USP45: variants seen among roughly 807,000 people sequenced by gnomAD.
The protein encoded by USP45 is ubiquitin carboxyl-terminal hydrolase 45.
A neutral mutation model predicts 95.8 loss-of-function variants in USP45; 89 were observed. The observed-to-expected ratio is 0.93, with a 90% CI of 0.78 to 1.11. The LOEUF is 1.11. Ranked by LOEUF, USP45 falls within the 50% of genes least tolerant of loss-of-function variation. USP45 has a pLI of 0.00. For synonymous variants in USP45, 281 were observed against 316.2 expected (o/e 0.89, Z 1.18); for missense variants, 898 against 942.5 (o/e 0.95, Z 0.62).
intron 1 of USP45, among the ~76,000 whole-genome samples, chr6:99,510,576 A>C (rs1158378912): frequency 6.6e-6 from 1 of 152,160 alleles, no homozygotes; most frequent in Non-Finnish European, 1.5e-5. Flanking sequence ...CATGAATGAG[A>C]CTGGCCTCTT....
At position 99,481,593 on chromosome 6, in the gene USP45, G is replaced by A. The variant is rs184727110; in HGVS notation, c.845+1160C>T. ...GGTATATTGTGTGATGCAAAGGTCCGGAGTACGAATGATCCCGTCACTCAG... is the reference window on the plus strand; with the variant it reads ...GGTATATTGTGTGATGCAAAGGTCCAGAGTACGAATGATCCCGTCACTCAG... On this transcript the variant is annotated intron_variant, in intron 8 of 17. Transcript: ENST00000500704. Among the ~76,000 whole-genome samples, 375 of 152,170 alleles carry A rather than the reference G, an allele frequency of 2.5e-3. 2 individuals carry two copies. Among genetic ancestry groups the A allele is most frequent in the Non-Finnish European group, 3.3e-3 (223 of 68,010 alleles).
At chr6:99,468,034 G>A in intron 10 of USP45, 1 of 405,930 alleles carries the variant, frequency 2.5e-6, no homozygotes, top group Non-Finnish European at 4.9e-6. Flanking sequence ...ATCATTTGGG[G>A]CTCATATTTT....
chr6:99,493,053 G>A (rs1045389401), intron 5 of USP45, among the ~76,000 whole-genome samples: 1 of 151,850 alleles, frequency 6.6e-6, no homozygotes, highest in Non-Finnish European at 1.5e-5. Context: ...CTTTGAGACG[G>A]AGTCTCATTC....
chr6:99,493,185 C>T (rs374229324), intron 5 of USP45, among the ~76,000 whole-genome samples: 1 of 151,764 alleles, frequency 6.6e-6, no homozygotes, highest in African/African-American at 2.4e-5. Flanking sequence ...TGCCACCACA[C>T]CTGGCTAATT....
Position 99,503,820 on chromosome 6 carries a change from CT to C in USP45, c.422del (p.Lys141ArgfsTer6). On this transcript the variant is annotated frameshift_variant, in exon 5 of 18. Transcript: ENST00000500704. LOFTEE classifies it high-confidence loss of function. ...GAAAATCAACTATCTGAGCCAAAAC[CT>C]TCTTATTACAATGCGTTGATAATTT... The part of the protein sequence containing the change: ...DEKLSTHCNK[K>X]VLAQIVDFLQ... 6.3e-7 allele frequency: 1 copy of C among 1,599,916 alleles called. No homozygotes were observed. Among genetic ancestry groups the C allele is most frequent in the Middle Eastern group, 1.7e-4 (1 of 5,964 alleles).
intron 8 of USP45, among the ~76,000 whole-genome samples, chr6:99,478,178 T>G: frequency 6.6e-6 from 1 of 150,878 alleles, no homozygotes; most frequent in East Asian, 2.0e-4. Flanking sequence ...AACTATTTAC[T>G]GCCTTCTAAA....
Position 99,435,614 on chromosome 6 carries a change from T to A in USP45, c.*102A>T. The A allele has an allele frequency of 9.9e-7, 1 of 1,011,268 alleles. No individual in the cohort carries two copies. Among genetic ancestry groups the A allele is most frequent in the East Asian group, 2.7e-5 (1 of 36,944 alleles). The allele number at this position is 1,011,268 out of a possible 1,614,324, so 62.6% of individuals were successfully genotyped here. On this transcript the variant is annotated 3_prime_UTR_variant, in exon 18 of 18. Transcript: ENST00000500704. ...GTTCAGGACCATTTGAGGAACATGC[T>A]ATTCCTACAGAAGAGGGAAGACTAG...
chr6:99,497,975 T>A (rs1025139781), intron 5 of USP45, among the ~76,000 whole-genome samples: 5 of 152,218 alleles, frequency 3.3e-5, no homozygotes. Context: ...TTCTTCTAAA[T>A]AGAATTGGCC....
At chr6:99,472,202 C>T (rs1287639314) in intron 9 of USP45, among the ~76,000 whole-genome samples, 1 of 147,402 alleles carries the variant, frequency 6.8e-6, no homozygotes, top group Non-Finnish European at 1.5e-5. Flanking sequence ...ATTCACATGA[C>T]TTTTAACTTC....
chr6:99,438,658 G>A (rs768326769), intron 16 of USP45, among the ~76,000 whole-genome samples: 1 of 152,146 alleles, frequency 6.6e-6, no homozygotes, highest in Non-Finnish European at 1.5e-5. Flanking sequence ...TGATATGACA[G>A]AATTATTAAA....
At chr6:99,457,214 C>T (rs563986128) in intron 13 of USP45, among the ~76,000 whole-genome samples, 35 of 152,316 alleles carry the variant, frequency 2.3e-4, no homozygotes, top group African/African-American at 8.2e-4. Flanking sequence ...CTTGCCCTGC[C>T]TCCACTTGCC....
In USP45 at chr6:99,451,473, G is replaced by A. The variant is rs193047541; in HGVS notation, c.1309-5010C>T. Among the ~76,000 whole-genome samples the A allele has an allele frequency of 2.0e-5, 3 of 152,208 alleles. No homozygotes were observed. In the East Asian group the frequency reaches 5.8e-4, roughly 29 times the overall value. On this transcript the variant is annotated intron_variant, in intron 13 of 17. Coordinates refer to ENST00000500704, the MANE Select transcript of USP45 (RefSeq NM_001346022.3). ...AAATACCTAGGAATCCAACTTACAA[G>A]GGATGTGAAGGACCTCTTCAAGGAG...
At chr6:99,440,704 C>T (rs1441893751) in intron 15 of USP45, among the ~76,000 whole-genome samples, 6 of 151,052 alleles carry the variant, frequency 4.0e-5, no homozygotes, top group Non-Finnish European at 8.9e-5. Context: ...TTTTTTTTTG[C>T]CGAAGTGTAT....
At chr6:99,447,265 T>C (rs575861189) in intron 13 of USP45, among the ~76,000 whole-genome samples, 123 of 152,280 alleles carry the variant, frequency 8.1e-4, no homozygotes, top group African/African-American at 2.9e-3. Context: ...AGCTGATGGC[T>C]TGAAGTACAT....
At chr6:99,466,538 A>G (rs1401659514) in intron 11 of USP45, 134 bp downstream of exon 11, 2 of 683,854 alleles carry the variant, frequency 2.9e-6, no homozygotes, top group Non-Finnish European at 5.1e-6. Context: ...GTATAAAAAG[A>G]CTTTCAAGAA....
chr6:99,459,528 A>G (rs1785894327), intron 13 of USP45, among the ~76,000 whole-genome samples: 1 of 152,162 alleles, frequency 6.6e-6, no homozygotes, highest in South Asian at 2.1e-4. Context: ...GTCAAATGGT[A>G]GTTCTGTTTT....
chr6:99,472,221 ATTTT>A (rs5878580), intron 9 of USP45, among the ~76,000 whole-genome samples: 1 of 143,916 alleles, frequency 6.9e-6, no homozygotes, highest in Non-Finnish European at 1.5e-5. Flanking sequence ...TCACTTACTA[ATTTT>A]TTTTTTTTTT....
chr6:99,496,481 A>G (rs1796329358), intron 5 of USP45, among the ~76,000 whole-genome samples: 1 of 152,062 alleles, frequency 6.6e-6, no homozygotes, highest in African/African-American at 2.4e-5. Flanking sequence ...CAGGAGCATG[A>G]GCTTAATAAA....
At chr6:99,463,946 A>G (rs540419306) in intron 13 of USP45, among the ~76,000 whole-genome samples, 1 of 151,982 alleles carries the variant, frequency 6.6e-6, no homozygotes, top group Non-Finnish European at 1.5e-5. Flanking sequence ...CTGAATCCTT[A>G]TTTATTTATA....
Sources: gnomAD v4.1 joint callset for allele counts (sites outside exome capture counted in the v4.1 genomes callset) on GRCh38, gnomAD v4.1.1 for gene constraint, MANE v1.5 for transcripts, NCBI Gene and HGNC (gene_info 2026-07-23, HGNC 2026-07-21) for gene names.